Variants in CYFIP2 observed in about 807,000 individuals in gnomAD.
CYFIP2 encodes the protein cytoplasmic FMR1 interacting protein 2.
CYFIP2 carries 29 observed loss-of-function variants against 158.7 expected under a neutral mutation model. That is an observed-to-expected ratio of 0.18 (90% CI 0.14 to 0.25). The LOEUF (loss-of-function observed/expected upper bound fraction) is 0.25. Among genes scored for constraint, CYFIP2 ranks in the 10% least tolerant of loss-of-function variants. The probability of loss-of-function intolerance (pLI) is 1.00; values close to 1 mark genes in which losing one functional copy is unlikely to be tolerated. For synonymous variants in CYFIP2, 585 were observed against 617.6 expected (o/e 0.95, Z 0.78); for missense variants, 852 against 1,639.5 (o/e 0.52, Z 8.29).
chr5:157,343,456 A>G (rs1257796773), intron 23 of CYFIP2: 3 of 1,612,652 alleles, frequency 1.9e-6, no homozygotes, highest in Admixed American at 1.7e-5. Context: ...TAATATGGTA[A>G]TAGTCCTCCA....
chr5:157,311,649 T>C lies in CYFIP2; in HGVS notation c.993-15T>C, dbSNP rs373707014. On this transcript the variant is annotated splice_polypyrimidine_tract_variant and intron_variant, in intron 10 of 30. Transcript: ENST00000620254. This position sits in a 1 kb window ranked among gnomAD's most constrained non-coding sequence, Gnocchi z 4.7. The stretch of plus-strand genomic sequence containing the variant: ...GAGGCTGGGACCCTCTCCGACCCCA[T>C]AATTTTCTACCCAGGTGGACGTGCA... 1.3e-6 allele frequency: 2 copies of C among 1,593,262 alleles called. No homozygotes were observed. Among genetic ancestry groups the C allele is most frequent in the South Asian group, 1.1e-5 (1 of 87,490 alleles).
At chr5:157,387,415 A>G (rs1561791679) in intron 28 of CYFIP2, among the ~76,000 whole-genome samples, 1 of 152,178 alleles carries the variant, frequency 6.6e-6, no homozygotes, top group Non-Finnish European at 1.5e-5. Flanking sequence ...CAGTTTTTCT[A>G]TTCCCCCTTC....
intron 18 of CYFIP2, 157 bp from the exon 19 acceptor site, chr5:157,327,816 C>G: frequency 3.1e-6 from 2 of 652,336 alleles, no homozygotes; most frequent in Non-Finnish European, 5.3e-6. Flanking sequence ...GGGACCAAAT[C>G]TCCCAAACTT....
chr5:157,379,131 C>A (rs565945692), intron 26 of CYFIP2, among the ~76,000 whole-genome samples: 37 of 152,258 alleles, frequency 2.4e-4, no homozygotes, highest in African/African-American at 8.7e-4. Context: ...TTAGACAATA[C>A]TTACTGACTC....
chr5:157,312,296 A>T (rs1301492389), intron 11 of CYFIP2, among the ~76,000 whole-genome samples: 1 of 151,886 alleles, frequency 6.6e-6, no homozygotes, highest in Non-Finnish European at 1.5e-5. Context: ...CCCAATAATT[A>T]CATTTCATTT....
chr5:157,304,562 G>A (rs140993924), intron 8 of CYFIP2, 196 bp downstream of exon 8: 2 of 534,134 alleles, frequency 3.7e-6, no homozygotes, highest in Admixed American at 7.2e-5. Flanking sequence ...TGTCATTAAG[G>A]CTATTTCTAC....
chr5:157,386,291 C>T (rs1427502390), intron 28 of CYFIP2, among the ~76,000 whole-genome samples: 1 of 152,092 alleles, frequency 6.6e-6, no homozygotes, highest in Non-Finnish European at 1.5e-5. Flanking sequence ...GATCACAGCT[C>T]ACTGCAGCCT....
chr5:157,361,636 G>C lies in CYFIP2; in HGVS notation c.3039+38G>C. On this transcript the variant is annotated intron_variant, in intron 26 of 30. Transcript: ENST00000620254. This position sits in a 1 kb window ranked among gnomAD's most constrained non-coding sequence, Gnocchi z 4.4. ...CCCAAAGGAAGTGGGGTGTCTCCAG[G>C]TTGGAGGGGATGCCAACCCCAAGCA... The C allele has an allele frequency of 6.2e-7, 1 of 1,612,616 alleles. No individual in the cohort carries two copies.
At chr5:157,268,033 G>A (rs901721465) in intron 1 of CYFIP2, among the ~76,000 whole-genome samples, 3 of 152,264 alleles carry the variant, frequency 2.0e-5, no homozygotes, top group African/African-American at 7.2e-5. Flanking sequence ...CTTTCGGGAT[G>A]AGAAACTTGT....
At position 157,296,570 on chromosome 5, in the gene CYFIP2, G is replaced by A. The variant is rs1048514832; in HGVS notation, c.286-103G>A. ...GATCATGCCACTGCACTCTAGCCTGGACAACAGAGCAAGACCCTGTCTCAA... is the reference window on the plus strand; with the variant it reads ...GATCATGCCACTGCACTCTAGCCTGAACAACAGAGCAAGACCCTGTCTCAA... On this transcript the variant is annotated intron_variant, in intron 4 of 30. Transcript: ENST00000620254. 4 of 1,076,524 alleles carry A rather than the reference G, an allele frequency of 3.7e-6. No homozygotes were observed. In the African/African-American group the frequency reaches 4.7e-5, roughly 13 times the overall value. 66.7% of individuals were successfully genotyped at this position (1,076,524 alleles called of 1,614,324 possible).
At chr5:157,368,540 C>T (rs1202823789) in intron 26 of CYFIP2, among the ~76,000 whole-genome samples, 2 of 152,212 alleles carry the variant, frequency 1.3e-5, no homozygotes, top group Admixed American at 6.5e-5. Flanking sequence ...TCTCTTAGCC[C>T]AGACACAGAT....
At chr5:157,328,550 A>T (rs1278763320) in intron 19 of CYFIP2, among the ~76,000 whole-genome samples, 1 of 152,124 alleles carries the variant, frequency 6.6e-6, no homozygotes, top group Non-Finnish European at 1.5e-5. Flanking sequence ...CTGTGGGAGG[A>T]TTCCTGTGGA....
intron 23 of CYFIP2, 107 bp downstream of exon 23, chr5:157,341,264 A>G: frequency 9.2e-7 from 1 of 1,081,286 alleles, no homozygotes; most frequent in Non-Finnish European, 1.4e-6. Flanking sequence ...TAAAGGCAGC[A>G]ATGAGGTCAG....
chr5:157,338,980 G>T (rs1762054403), intron 21 of CYFIP2, 77 bp from the exon 22 acceptor site: 3 of 1,424,942 alleles, frequency 2.1e-6, no homozygotes, highest in African/African-American at 1.4e-5. Flanking sequence ...TGCGTGAACA[G>T]AAGCAGTAAG....
At chr5:157,309,614 C>T (rs1759536704) in intron 9 of CYFIP2, 129 bp from the exon 10 acceptor site, 6 of 770,036 alleles carry the variant, frequency 7.8e-6, no homozygotes, top group East Asian at 5.4e-5. Flanking sequence ...GTAGCGTCAT[C>T]GGAAGCAGAA....
intron 2 of CYFIP2, among the ~76,000 whole-genome samples, chr5:157,286,092 T>A (rs911078467): frequency 2.0e-5 from 3 of 152,188 alleles, no homozygotes; most frequent in Non-Finnish European, 4.4e-5. Flanking sequence ...CTCAGATTGC[T>A]ACAGGAGACT....
chr5:157,374,557 A>T (rs1237559412), intron 26 of CYFIP2, among the ~76,000 whole-genome samples: 1 of 152,138 alleles, frequency 6.6e-6, no homozygotes, highest in Non-Finnish European at 1.5e-5. Context: ...AGACCCCTGG[A>T]AACTGCCCGT....
intron 1 of CYFIP2, 26 bp from the exon 2 acceptor site, chr5:157,285,313 A>G: frequency 6.7e-7 from 1 of 1,489,802 alleles, no homozygotes; most frequent in Non-Finnish European, 9.2e-7. Flanking sequence ...GAAATTCTCC[A>G]CTGACCTTCT....
At chr5:157,267,170 A>G (rs1755673178) in intron 1 of CYFIP2, among the ~76,000 whole-genome samples, 1 of 152,112 alleles carries the variant, frequency 6.6e-6, no homozygotes, top group Admixed American at 6.5e-5. Flanking sequence ...CAGTGGAAAC[A>G]CTCACCAGGG....
Sources: allele counts gnomAD v4.1 joint callset (sites outside exome capture counted in the v4.1 genomes callset), GRCh38; gene constraint gnomAD v4.1.1; non-coding constraint Gnocchi (gnomAD v3.1); transcripts MANE v1.5; gene names NCBI Gene and HGNC (gene_info 2026-07-23, HGNC 2026-07-21).